The following GHR variants were observed in gnomAD, a reference collection of about 807,000 sequenced individuals.
The protein encoded by GHR is growth hormone receptor, also known as GH receptor.
Under a neutral mutation model 67.1 loss-of-function variants are expected in GHR, and 35 were observed. That is an observed-to-expected ratio of 0.52 (90% confidence interval 0.40 to 0.69). The LOEUF (loss-of-function observed/expected upper bound fraction) is 0.69, where lower values mean the gene tolerates loss of function less well. GHR is among the 30% of genes least tolerant of loss of function. GHR has a pLI of 0.00. For missense variants in GHR, 792 were observed against 764.6 expected (o/e 1.04, Z -0.42); for synonymous variants, 272 against 269.1 (o/e 1.01, Z -0.10).
intron 1 of GHR, among the ~76,000 whole-genome samples, chr5:42,432,437 A>G (rs1743134965): frequency 1.3e-5 from 2 of 152,172 alleles, no homozygotes; most frequent in Admixed American, 1.3e-4. Context: ...CAGACATTCA[A>G]TTTTGATTGC....
intron 1 of GHR, among the ~76,000 whole-genome samples, chr5:42,501,061 C>T (rs1443189853): frequency 6.6e-6 from 1 of 152,120 alleles, no homozygotes; most frequent in African/African-American, 2.4e-5. Flanking sequence ...TAAAGACTGT[C>T]ACAGGTGTTT....
At chr5:42,644,722 A>T (rs1754644522) in intron 3 of GHR, among the ~76,000 whole-genome samples, 1 of 152,144 alleles carries the variant, frequency 6.6e-6, no homozygotes, top group African/African-American at 2.4e-5. Context: ...TATCATTAAA[A>T]AAAAGATAGT....
intron 6 of GHR, among the ~76,000 whole-genome samples, chr5:42,701,645 G>GA (rs891352196): frequency 6.6e-6 from 1 of 152,100 alleles, no homozygotes; most frequent in African/African-American, 2.4e-5. Flanking sequence ...TTTTGCAATG[G>GA]AAAAAATTTG....
At chr5:42,551,462 G>A (rs989532015) in intron 1 of GHR, among the ~76,000 whole-genome samples, 1 of 152,148 alleles carries the variant, frequency 6.6e-6, no homozygotes, top group African/African-American at 2.4e-5. Context: ...CCATGAAGAA[G>A]GCTGTTGAAA....
chr5:42,574,973 A>T (rs1750568552), intron 2 of GHR, among the ~76,000 whole-genome samples: 1 of 152,160 alleles, frequency 6.6e-6, no homozygotes, highest in Non-Finnish European at 1.5e-5. Context: ...TACTATATAA[A>T]TTACTGATTT....
At chr5:42,537,205 G>A (rs996000702) in intron 1 of GHR, among the ~76,000 whole-genome samples, 2 of 151,752 alleles carry the variant, frequency 1.3e-5, no homozygotes, top group African/African-American at 4.8e-5. Context: ...CTCGGTTTGG[G>A]TTTGGTTTGT....
At chr5:42,444,915 T>C (rs979180149) in intron 1 of GHR, among the ~76,000 whole-genome samples, 15 of 152,336 alleles carry the variant, frequency 9.8e-5, no homozygotes, top group African/African-American at 3.6e-4. Flanking sequence ...TTCTCTCATC[T>C]AAGTCTCTTG....
chr5:42,622,832 G>T (rs2112719719), intron 2 of GHR, among the ~76,000 whole-genome samples: 1 of 152,238 alleles, frequency 6.6e-6, no homozygotes, highest in East Asian at 1.9e-4. Flanking sequence ...ATGAATCATT[G>T]CCATAAGTAG....
intron 8 of GHR, chr5:42,715,156 T>C (rs1264065289): frequency 1.1e-5 from 3 of 280,500 alleles, no homozygotes; most frequent in Non-Finnish European, 2.2e-5. Context: ...ATCTTTATTG[T>C]TCTCCCAAAT....
At chr5:42,606,210 G>C (rs555573817) in intron 2 of GHR, among the ~76,000 whole-genome samples, 19 of 152,206 alleles carry the variant, frequency 1.2e-4, no homozygotes, top group Admixed American at 2.0e-4. Flanking sequence ...GGGGGAGAAG[G>C]CACAGGAAGT....
chr5:42,487,959 G>C (rs1406482020), intron 1 of GHR, among the ~76,000 whole-genome samples: 1 of 152,124 alleles, frequency 6.6e-6, no homozygotes, highest in Non-Finnish European at 1.5e-5. Flanking sequence ...GTCACAGTGG[G>C]AACTGAGGAC....
At chr5:42,425,105 T>A in intron 1 of GHR, 1 of 673,452 alleles carries the variant, frequency 1.5e-6, no homozygotes, top group Non-Finnish European at 1.8e-6. Flanking sequence ...TTAAGGGCTT[T>A]AAAATAACTA....
At chr5:42,663,309 C>T (rs1476631927) in intron 3 of GHR, among the ~76,000 whole-genome samples, 1 of 152,184 alleles carries the variant, frequency 6.6e-6, no homozygotes, top group Non-Finnish European at 1.5e-5. Context: ...AATTTTAGGC[C>T]AATATCCTTG....
At chr5:42,462,721 G>C (rs933491719) in intron 1 of GHR, among the ~76,000 whole-genome samples, 3 of 147,720 alleles carry the variant, frequency 2.0e-5, no homozygotes, top group African/African-American at 7.6e-5. Flanking sequence ...TGTGTGTGTG[G>C]ATATGTGTAT....
rs148491503 is a variant in GHR, at chr5:42,547,891, G to A, written c.-11-17973G>A. On this transcript the variant is annotated intron_variant, in intron 1 of 9. Coordinates refer to ENST00000230882, the MANE Select transcript of GHR (RefSeq NM_000163.5). ...ATGTGCTATCTTCTGGGCATTTGGGGTACTTTAATGAGGTAGCAGTGAGTA... is the reference window on the plus strand; with the variant it reads ...ATGTGCTATCTTCTGGGCATTTGGGATACTTTAATGAGGTAGCAGTGAGTA... 5.1e-3 allele frequency among the ~76,000 whole-genome samples: 773 copies of A among 152,278 alleles called. 4 individuals carry two copies. The highest frequency in any genetic ancestry group is 0.017 in the African/African-American group (690 of 41,556).
chr5:42,514,528 T>C (rs1411360846), intron 1 of GHR, among the ~76,000 whole-genome samples: 4 of 150,016 alleles, frequency 2.7e-5, no homozygotes, highest in Non-Finnish European at 5.9e-5. Context: ...CCAATATAAA[T>C]GGGTAATTCA....
At chr5:42,709,553 T>C (rs769127588) in intron 6 of GHR, among the ~76,000 whole-genome samples, 2 of 152,226 alleles carry the variant, frequency 1.3e-5, no homozygotes, top group African/African-American at 4.8e-5. Context: ...CATGGAATTA[T>C]TCATGATATC....
chr5:42,605,627 A>G (rs1424338242), intron 2 of GHR, among the ~76,000 whole-genome samples: 1 of 152,220 alleles, frequency 6.6e-6, no homozygotes. Flanking sequence ...TCTGCAGTCC[A>G]GATAGAGGAT....
chr5:42,596,422 T>A (rs1301299243), intron 2 of GHR, among the ~76,000 whole-genome samples: 3 of 152,098 alleles, frequency 2.0e-5, no homozygotes, highest in Non-Finnish European at 4.4e-5. Context: ...GGAGTAGCAG[T>A]CATTGAAGAA....
Sources: gnomAD v4.1 joint callset for allele counts (sites outside exome capture counted in the v4.1 genomes callset) on GRCh38, gnomAD v4.1.1 for gene constraint, MANE v1.5 for transcripts, NCBI Gene and HGNC (gene_info 2026-07-23, HGNC 2026-07-21) for gene names.